ACSL4: variants seen among roughly 807,000 people sequenced by gnomAD.
The protein encoded by ACSL4 is acyl-CoA synthetase long chain family member 4.
Under a neutral mutation model 49.1 loss-of-function variants are expected in ACSL4, and 9 were observed. The ratio of observed to expected loss-of-function variants is 0.18; its 90% CI spans 0.11 to 0.32. The LOEUF (loss-of-function observed/expected upper bound fraction) is 0.32, where lower values mean the gene tolerates loss of function less well. ACSL4 is among the 10% of genes least tolerant of loss of function. The probability of loss-of-function intolerance (pLI) is 1.00; values close to 1 mark genes in which losing one functional copy is unlikely to be tolerated. For synonymous variants in ACSL4, 191 were observed against 170.3 expected (o/e 1.12, Z -0.95); for missense variants, 333 against 493.7 (o/e 0.67, Z 3.08).
Position 109,668,253 on chromosome X carries a change from T to G in ACSL4, c.1163A>C (p.Lys388Thr). The G allele has an allele frequency of 8.3e-7, 1 of 1,203,458 alleles. No individual in the cohort carries two copies. Among genetic ancestry groups the G allele is most frequent in the Non-Finnish European group, 1.1e-6 (1 of 890,233 alleles). ...LCNLLLFKKV[K>T]ALLGGNVRMM... The stretch of plus-strand genomic sequence containing the variant: ...GCGGACATTCCCTCCCAGCAGGGCC[T>G]TGACCTTTTTAAACAGTAACCTTAA... The change falls in exon 11 of 16, where the codon AAG (lysine) becomes ACG (threonine). Residue 388 changes from lysine to threonine, a missense_variant. Physicochemically the swap from Lys to Thr is moderately conservative, Grantham distance 78 (BLOSUM62 -1). Coordinates refer to ENST00000672401, the MANE Select transcript of ACSL4 (RefSeq NM_001318510.2).
chrX:109,655,796 A>G (rs1382255978), intron 15 of ACSL4, among the ~76,000 whole-genome samples: 1 of 111,515 alleles, frequency 9.0e-6, no homozygotes, highest in Non-Finnish European at 1.9e-5. Flanking sequence ...ATCATACACA[A>G]AGGAATGGGA....
intron 1 of ACSL4, among the ~76,000 whole-genome samples, chrX:109,727,322 A>T (rs1383411135): frequency 3.6e-5 from 4 of 111,587 alleles, no homozygotes; most frequent in African/African-American, 1.3e-4. Flanking sequence ...ATGTACTTAA[A>T]GATCACATAG....
intron 15 of ACSL4, among the ~76,000 whole-genome samples, chrX:109,646,963 G>T (rs1434004151): frequency 2.7e-5 from 3 of 111,919 alleles, no homozygotes; most frequent in Admixed American, 1.9e-4. Context: ...AATTCAACAA[G>T]AAGAGCTAAC....
intron 9 of ACSL4, 23 bp from the exon 10 acceptor site, chrX:109,669,196 A>G (rs755693128): frequency 1.8e-6 from 2 of 1,118,464 alleles, no homozygotes; most frequent in South Asian, 1.9e-5. Flanking sequence ...CAAAATATTC[A>G]ATAATCTGAA....
intron 1 of ACSL4, among the ~76,000 whole-genome samples, chrX:109,722,843 G>A (rs1220427635): frequency 9.0e-6 from 1 of 110,799 alleles, no homozygotes. Flanking sequence ...ATATAGTGTC[G>A]AGTTAAACAA....
At chrX:109,686,177 T>A (rs1027991422) in intron 2 of ACSL4, among the ~76,000 whole-genome samples, 1 of 112,024 alleles carries the variant, frequency 8.9e-6, no homozygotes, top group Non-Finnish European at 1.9e-5. Context: ...TTTTCTAATT[T>A]CACACATCAT....
chrX:109,674,051 G>A, intron 9 of ACSL4, among the ~76,000 whole-genome samples: 1 of 111,478 alleles, frequency 9.0e-6, no homozygotes, highest in Middle Eastern at 4.7e-3. Context: ...ATGGCCTAAA[G>A]TTTCCTCATT....
chrX:109,678,242 A>G lies in ACSL4; in HGVS notation c.806+23T>C, dbSNP rs375947959. ...TGAACATGAACTCTGATTTCTAAGA[A>G]GAAAGTTAAAGAATTATCTTACCCC... On this transcript the variant is annotated intron_variant, in intron 7 of 15. Coordinates refer to ENST00000672401, the MANE Select transcript of ACSL4 (RefSeq NM_001318510.2). The G allele has an allele frequency of 4.9e-4, 595 of 1,209,823 alleles. 3 individuals carry two copies. In the South Asian group the frequency reaches 9.8e-3, roughly 20 times the overall value.
intron 1 of ACSL4, 28 bp from the exon 2 acceptor site, chrX:109,696,224 A>G (rs1192553731): frequency 8.9e-6 from 1 of 112,567 alleles, no homozygotes; most frequent in African/African-American, 3.2e-5. Flanking sequence ...ATTTATGAGT[A>G]CAGTGACATA....
At chrX:109,645,205 C>T (rs1317145110) in intron 15 of ACSL4, among the ~76,000 whole-genome samples, 1 of 113,223 alleles carries the variant, frequency 8.8e-6, no homozygotes, top group Non-Finnish European at 1.9e-5. Context: ...CTGTAGGCTC[C>T]ACCTCTGGGG....
Position 109,669,085 on chromosome X carries a change from T to A in ACSL4, c.1091A>T (p.Asp364Val). Residue 364 changes from aspartate (D) to valine (V), a missense_variant, in exon 10 of 16, where the codon GAT becomes GTT. Asp to Val is a radical substitution (Grantham distance 152). This residue lies in a region of ACSL4 where 175 missense variants were observed against 275.8 expected (regional missense o/e 0.63). Transcript: ENST00000672401. ...IQKTLFKIGY[D>V]YKLEQIKKGY... The stretch of plus-strand genomic sequence containing the variant: ...CTTTTTGATCTGTTCCAATTTGTAA[T>A]CATACCCTATCTTGAACAGAGTTTT... 8.4e-7 allele frequency: 1 copy of A among 1,191,839 alleles called. No individual in the cohort carries two copies.
At chrX:109,696,642 G>A (rs1452313103) in intron 1 of ACSL4, among the ~76,000 whole-genome samples, 2 of 112,294 alleles carry the variant, frequency 1.8e-5, no homozygotes, top group African/African-American at 3.2e-5. Context: ...ACAACACGAG[G>A]TTTCTTCCCA....
In ACSL4 at chrX:109,719,589, C is replaced by T. The variant is rs144766396; in HGVS notation, c.-66+13550G>A. On this transcript the variant is annotated intron_variant, in intron 1 of 15. Coordinates refer to ENST00000672401, the MANE Select transcript of ACSL4 (RefSeq NM_001318510.2). The stretch of plus-strand genomic sequence containing the variant: ...AATAAAATAGAAGGTGGGGAATTCA[C>T]CATGAAAGTTTTCATTCTGCTGCTG... Among the ~76,000 whole-genome samples the T allele has an allele frequency of 1.3e-3, 145 of 112,582 alleles. 2 individuals are homozygous for T. The East Asian group carries it at 0.027, about 21-fold the overall frequency.
intron 1 of ACSL4, among the ~76,000 whole-genome samples, chrX:109,722,963 C>G (rs1406777578): frequency 1.8e-5 from 2 of 111,700 alleles, no homozygotes; most frequent in Non-Finnish European, 3.8e-5. Context: ...GCATATATAC[C>G]AAAAAGTTGA....
At chrX:109,720,286 C>T (rs1359291360) in intron 1 of ACSL4, among the ~76,000 whole-genome samples, 2 of 108,307 alleles carry the variant, frequency 1.8e-5, no homozygotes, top group African/African-American at 3.4e-5. Flanking sequence ...GCCGAGATCA[C>T]GCCACTGCAC....
At chrX:109,730,358 G>C (rs1249889574) in intron 1 of ACSL4, among the ~76,000 whole-genome samples, 3 of 112,341 alleles carry the variant, frequency 2.7e-5, no homozygotes, top group Non-Finnish European at 5.6e-5. Flanking sequence ...CTCAGCAATT[G>C]AAAGGATGGA....
intron 1 of ACSL4, among the ~76,000 whole-genome samples, chrX:109,698,565 T>C (rs1340147226): frequency 5.4e-5 from 6 of 111,239 alleles, no homozygotes; most frequent in Admixed American, 1.9e-4. Context: ...AGCAAATTTT[T>C]AACAGACTGA....
intron 1 of ACSL4, among the ~76,000 whole-genome samples, chrX:109,717,237 G>T (rs769099565): frequency 9.0e-6 from 1 of 110,941 alleles, no homozygotes; most frequent in South Asian, 3.8e-4. Context: ...GCTCACACCT[G>T]TAATCTCAGC....
At chrX:109,688,546 C>T (rs1924789646) in intron 2 of ACSL4, among the ~76,000 whole-genome samples, 1 of 111,525 alleles carries the variant, frequency 9.0e-6, no homozygotes, top group South Asian at 3.7e-4. Flanking sequence ...GTCTATGGCT[C>T]TCTGTCTCCC....
Sources: gnomAD v4.1 joint callset for allele counts (sites outside exome capture counted in the v4.1 genomes callset) on GRCh38, gnomAD v4.1.1 for gene constraint, gnomAD v4.1.1 regional missense constraint, MANE v1.5 for transcripts, NCBI Gene and HGNC (gene_info 2026-07-23, HGNC 2026-07-21) for gene names.